Variants in IGBP1C observed in about 807,000 individuals in gnomAD.
IGBP1C encodes the protein immunoglobulin-binding protein 1 family member C.
At chr17:58,664,875 T>G in the IGBP1C span, among the ~76,000 whole-genome samples, 1 of 152,202 alleles carries the variant, frequency 6.6e-6, no homozygotes, top group Non-Finnish European at 1.5e-5. Context: ...CTGTGGTACG[T>G]AACAGATAAG....
chr17:58,661,327 G>T, the IGBP1C span: 1 of 875,376 alleles, frequency 1.1e-6, no homozygotes, highest in Non-Finnish European at 2.0e-6. Flanking sequence ...CTTGTTTCAT[G>T]GTGAGGGCTC....
chr17:58,665,859 A>T, the IGBP1C span, among the ~76,000 whole-genome samples: 1 of 152,124 alleles, frequency 6.6e-6, no homozygotes, highest in African/African-American at 2.4e-5. Flanking sequence ...CGGCCTGACC[A>T]ACGTAGTGAA....
At chr17:58,670,783 A>C in the IGBP1C span, among the ~76,000 whole-genome samples, 8 of 150,524 alleles carry the variant, frequency 5.3e-5, no homozygotes, top group Non-Finnish European at 1.0e-4. Context: ...AAAAAAAAAA[A>C]AAAAAAAAAA....
the IGBP1C span, among the ~76,000 whole-genome samples, chr17:58,680,721 G>A: frequency 6.6e-6 from 1 of 151,966 alleles, no homozygotes; most frequent in Non-Finnish European, 1.5e-5. Context: ...GGGCGACAGA[G>A]CAAGACTCTG....
the IGBP1C span, among the ~76,000 whole-genome samples, chr17:58,676,448 T>C: frequency 1.3e-5 from 2 of 151,784 alleles, no homozygotes; most frequent in Admixed American, 6.6e-5. Context: ...TAATCTCAGC[T>C]ACTCGGGAGG....
At chr17:58,673,404 A>G in the IGBP1C span, among the ~76,000 whole-genome samples, 2 of 150,136 alleles carry the variant, frequency 1.3e-5, no homozygotes, top group Non-Finnish European at 3.0e-5. Flanking sequence ...AATCGGTTGA[A>G]CCCAGGAGGC....
chr17:58,662,079 T>C, the IGBP1C span, among the ~76,000 whole-genome samples: 868 of 151,992 alleles, frequency 5.7e-3, 5 homozygotes, highest in African/African-American at 9.2e-3. Context: ...TGTATGTCTA[T>C]ATCTGTGTAT....
chr17:58,665,597 TAAAAAAC>T, the IGBP1C span, among the ~76,000 whole-genome samples: 1 of 149,604 alleles, frequency 6.7e-6, no homozygotes, highest in African/African-American at 2.5e-5. Flanking sequence ...CTCTGTCTCA[TAAAAAAC>T]AAAAAACAAA....
chr17:58,678,778 C>G, the IGBP1C span, among the ~76,000 whole-genome samples: 3 of 150,182 alleles, frequency 2.0e-5, no homozygotes, highest in Non-Finnish European at 3.0e-5. Context: ...ACATATGTAA[C>G]AAACCTGCAC....
chr17:58,686,630 C>G, the IGBP1C span, among the ~76,000 whole-genome samples: 3 of 152,018 alleles, frequency 2.0e-5, no homozygotes, highest in Non-Finnish European at 4.4e-5. Flanking sequence ...ATTAAAAAAG[C>G]CAAGTAAGAG....
At chr17:58,689,889 G>A in the IGBP1C span, among the ~76,000 whole-genome samples, 1 of 147,270 alleles carries the variant, frequency 6.8e-6, no homozygotes, top group Non-Finnish European at 1.5e-5. Flanking sequence ...TCGCTCTGTC[G>A]CCCAGGCTGG....
At chr17:58,670,132 CCT>C in the IGBP1C span, among the ~76,000 whole-genome samples, 8 of 152,180 alleles carry the variant, frequency 5.3e-5, no homozygotes, top group Non-Finnish European at 1.0e-4. Context: ...CGCTGAGCTC[CCT>C]CTGTTATCAT....
chr17:58,679,604 G>A, the IGBP1C span: 11 of 152,296 alleles, frequency 7.2e-5, no homozygotes, highest in Admixed American at 2.6e-4. Flanking sequence ...AACCACAGGG[G>A]TCAGCACATC....
chr17:58,683,774 AAG>A, the IGBP1C span, among the ~76,000 whole-genome samples: 12 of 126,840 alleles, frequency 9.5e-5, no homozygotes, highest in South Asian at 2.3e-3. Flanking sequence ...AAAAAAAAAA[AAG>A]AGAGACTTGG....
chr17:58,685,777 A>T, the IGBP1C span, among the ~76,000 whole-genome samples: 1 of 151,490 alleles, frequency 6.6e-6, no homozygotes, highest in Non-Finnish European at 1.5e-5. Context: ...GGATCACCTG[A>T]GGTCAGGAGT....
the IGBP1C span, among the ~76,000 whole-genome samples, chr17:58,688,051 G>T: frequency 5.9e-5 from 9 of 152,262 alleles, no homozygotes; most frequent in African/African-American, 1.7e-4. Flanking sequence ...GATTACTGTG[G>T]ATCAAGTCAA....
chr17:58,676,663 A>C, the IGBP1C span, among the ~76,000 whole-genome samples: 1 of 152,174 alleles, frequency 6.6e-6, no homozygotes, highest in African/African-American at 2.4e-5. Context: ...AATGAATTTC[A>C]ATTCTATAGT....
At chr17:58,690,406 T>C in the IGBP1C span, among the ~76,000 whole-genome samples, 32 of 152,308 alleles carry the variant, frequency 2.1e-4, no homozygotes, top group African/African-American at 7.0e-4. Flanking sequence ...GATCAAGCGA[T>C]GTGCCCTCTT....
chr17:58,666,534 A>G, the IGBP1C span: 1 of 149,782 alleles, frequency 6.7e-6, no homozygotes, highest in Admixed American at 6.6e-5. Flanking sequence ...CAACTACCAC[A>G]ACCAGCAGCA....
Sources: allele counts gnomAD v4.1 joint callset (sites outside exome capture counted in the v4.1 genomes callset), GRCh38; gene constraint gnomAD v4.1.1; transcripts MANE v1.5; gene names NCBI Gene and HGNC (gene_info 2026-07-23, HGNC 2026-07-21).